The following RAP1GAP2 variants were observed in gnomAD, a reference collection of about 807,000 sequenced individuals.
RAP1GAP2 encodes the protein rap1 GTPase-activating protein 2.
Under a neutral mutation model 95.0 loss-of-function variants are expected in RAP1GAP2, and 27 were observed. That is an observed-to-expected ratio of 0.28 (90% CI 0.21 to 0.39). The LOEUF is 0.39. Ranked by LOEUF, RAP1GAP2 falls within the 10% of genes least tolerant of loss-of-function variation. RAP1GAP2 has a pLI of 1.00. For missense variants in RAP1GAP2, 771 were observed against 970.0 expected (o/e 0.79, Z 2.72); for synonymous variants, 373 against 380.9 (o/e 0.98, Z 0.24).
chr17:2,954,385 T>G (rs1391713358), intron 3 of RAP1GAP2, among the ~76,000 whole-genome samples: 3 of 152,044 alleles, frequency 2.0e-5, no homozygotes, highest in Non-Finnish European at 2.9e-5. Context: ...ATTACAGGCT[T>G]GAGCCACCAC....
chr17:2,804,970 C>T (rs1398629282), intron 2 of RAP1GAP2, among the ~76,000 whole-genome samples: 1 of 152,204 alleles, frequency 6.6e-6, no homozygotes, highest in Non-Finnish European at 1.5e-5. Flanking sequence ...GTATTTTTCT[C>T]AGGACCTTGG....
At position 2,819,764 on chromosome 17, in the gene RAP1GAP2, G is replaced by A. The variant is rs117195903; in HGVS notation, c.80+19214G>A. ...ATTACAGGCATGAGCCTCAGCGCCTGGTGATAGATCTAGTTTCTTCTCTCT... is the reference window on the plus strand; with the variant it reads ...ATTACAGGCATGAGCCTCAGCGCCTAGTGATAGATCTAGTTTCTTCTCTCT... On this transcript the variant is annotated intron_variant, in intron 2 of 24. Coordinates refer to ENST00000254695, the MANE Select transcript of RAP1GAP2 (RefSeq NM_015085.5). Among the ~76,000 whole-genome samples the A allele has an allele frequency of 2.0e-3, 305 of 151,758 alleles. 3 individuals carry two copies. The East Asian group carries it at 0.032, about 16-fold the overall frequency.
chr17:2,963,837 A>T lies in RAP1GAP2; in HGVS notation c.280-19A>T. On this transcript the variant is annotated intron_variant, in intron 6 of 24. Coordinates refer to ENST00000254695, the MANE Select transcript of RAP1GAP2 (RefSeq NM_015085.5). This position sits in a 1 kb window ranked among gnomAD's most constrained non-coding sequence, Gnocchi z 4.8. ...CCCTGCGGTCCCAGGGGAGCGCACGACCCTCCCTCTGCCTTCAGGTTGTGG... is the reference window on the plus strand; with the variant it reads ...CCCTGCGGTCCCAGGGGAGCGCACGTCCCTCCCTCTGCCTTCAGGTTGTGG... 1 of 1,562,328 alleles carries T rather than the reference A, an allele frequency of 6.4e-7. No individual in the cohort carries two copies. Among genetic ancestry groups the T allele is most frequent in the Non-Finnish European group, 8.7e-7 (1 of 1,151,638 alleles).
chr17:2,998,018 A>T lies in RAP1GAP2; in HGVS notation c.1045-203A>T, dbSNP rs570142821. Reference sequence around the variant, plus strand: ...AACTCAAAAGATACACAAAGCACGAAGCGTGTTCCATGCACTTCTCCCCTT... The same window carrying T: ...AACTCAAAAGATACACAAAGCACGATGCGTGTTCCATGCACTTCTCCCCTT... On this transcript the variant is annotated intron_variant, in intron 13 of 24. Coordinates refer to ENST00000254695, the MANE Select transcript of RAP1GAP2 (RefSeq NM_015085.5). Among the ~76,000 whole-genome samples the T allele has an allele frequency of 2.6e-5, 4 of 152,188 alleles. No homozygotes were observed. The South Asian group carries it at 8.3e-4, about 32-fold the overall frequency.
chr17:2,923,495 AT>A (rs900979541), intron 3 of RAP1GAP2, among the ~76,000 whole-genome samples: 18 of 145,900 alleles, frequency 1.2e-4, no homozygotes, highest in South Asian at 6.5e-4. Context: ...CGCCTGGCTA[AT>A]TTTTTTTTTG....
chr17:2,820,051 G>A (rs1016100242), intron 2 of RAP1GAP2, among the ~76,000 whole-genome samples: 1 of 152,124 alleles, frequency 6.6e-6, no homozygotes, highest in African/African-American at 2.4e-5. Context: ...AAAGTGTTGG[G>A]ATTACAGGCG....
intron 2 of RAP1GAP2, among the ~76,000 whole-genome samples, chr17:2,842,121 G>T (rs985346026): frequency 2.0e-5 from 3 of 152,208 alleles, no homozygotes; most frequent in African/African-American, 7.2e-5. Flanking sequence ...TCATCACTCA[G>T]GGGAAGAGAC....
intron 17 of RAP1GAP2, among the ~76,000 whole-genome samples, chr17:3,017,060 G>A (rs1369945038): frequency 6.6e-6 from 1 of 152,114 alleles, no homozygotes; most frequent in Non-Finnish European, 1.5e-5. Context: ...ATCATCCAGG[G>A]GGCAGCCAGA....
rs2044434404 is a variant in RAP1GAP2, at chr17:2,963,481, C to T, written c.279+19C>T. On this transcript the variant is annotated intron_variant, in intron 6 of 24. Transcript: ENST00000254695. This position sits in a 1 kb window ranked among gnomAD's most constrained non-coding sequence, Gnocchi z 4.8. Reference sequence around the variant, plus strand: ...CGACGAGGTAGGTGCCCTCCCCTCACTCCCACCTGCCCTGCAGCCTGCTCT... The same window carrying T: ...CGACGAGGTAGGTGCCCTCCCCTCATTCCCACCTGCCCTGCAGCCTGCTCT... 6.2e-7 allele frequency: 1 copy of T among 1,613,562 alleles called. No homozygotes were observed. The highest frequency in any genetic ancestry group is 8.5e-7 in the Non-Finnish European group (1 of 1,179,638).
intron 3 of RAP1GAP2, among the ~76,000 whole-genome samples, chr17:2,943,555 C>T (rs1481142409): frequency 6.6e-6 from 1 of 151,828 alleles, no homozygotes; most frequent in East Asian, 1.9e-4. Flanking sequence ...ATCTCAGCTG[C>T]TTGGGAGCCT....
At chr17:2,941,180 T>C (rs1056497482) in intron 3 of RAP1GAP2, among the ~76,000 whole-genome samples, 8 of 152,148 alleles carry the variant, frequency 5.3e-5, no homozygotes, top group African/African-American at 1.9e-4. Context: ...AGCGGGTGGA[T>C]CACTTGAGGT....
intron 2 of RAP1GAP2, among the ~76,000 whole-genome samples, chr17:2,889,451 G>A (rs1387667342): frequency 6.6e-6 from 1 of 152,144 alleles, no homozygotes; most frequent in Non-Finnish European, 1.5e-5. Flanking sequence ...AGGCTTGGCC[G>A]GGGGAGTGAG....
intron 3 of RAP1GAP2, among the ~76,000 whole-genome samples, chr17:2,939,417 A>C (rs538333195): frequency 6.6e-6 from 1 of 151,990 alleles, no homozygotes; most frequent in South Asian, 2.1e-4. Context: ...CTTTCTTCAC[A>C]CCTCTTAGGT....
At chr17:2,933,413 A>G (rs987073484) in intron 3 of RAP1GAP2, among the ~76,000 whole-genome samples, 2 of 152,160 alleles carry the variant, frequency 1.3e-5, no homozygotes, top group African/African-American at 4.8e-5. Flanking sequence ...GCCAGTTAGG[A>G]GAGGGTACAA....
chr17:2,781,778 G>A (rs888013998), intron 1 of RAP1GAP2, among the ~76,000 whole-genome samples: 18 of 147,040 alleles, frequency 1.2e-4, no homozygotes, highest in African/African-American at 4.3e-4. Context: ...GTCTGTGTGT[G>A]CACGTTTCTG....
intron 4 of RAP1GAP2, among the ~76,000 whole-genome samples, chr17:2,960,055 G>T (rs2044251027): frequency 1.3e-5 from 2 of 150,680 alleles, no homozygotes. Flanking sequence ...AACCCGGGAG[G>T]TGGAGGCTGC....
intron 1 of RAP1GAP2, among the ~76,000 whole-genome samples, chr17:2,784,139 A>G (rs766859669): frequency 3.8e-4 from 58 of 151,568 alleles, no homozygotes; most frequent in Admixed American, 5.3e-4. Context: ...CGCCAGGCTA[A>G]TTTTTTGTAT....
chr17:2,863,205 G>C (rs527609638), intron 2 of RAP1GAP2, among the ~76,000 whole-genome samples: 3 of 152,196 alleles, frequency 2.0e-5, no homozygotes, highest in African/African-American at 7.2e-5. Flanking sequence ...ATTTCTAGGG[G>C]TGAGTACACT....
chr17:3,006,595 A>G (rs1016069286), intron 16 of RAP1GAP2, among the ~76,000 whole-genome samples: 5 of 151,534 alleles, frequency 3.3e-5, no homozygotes, highest in South Asian at 4.2e-4. Context: ...CACCACGCCC[A>G]GCTAATTTTT....
Sources: gnomAD v4.1 joint callset for allele counts (sites outside exome capture counted in the v4.1 genomes callset) on GRCh38, gnomAD v4.1.1 for gene constraint, Gnocchi (gnomAD v3.1) non-coding constraint, MANE v1.5 for transcripts, NCBI Gene and HGNC (gene_info 2026-07-23, HGNC 2026-07-21) for gene names.